Variants in ENKUR observed in about 807,000 individuals in gnomAD.
ENKUR encodes the protein enkurin, TRPC channel interacting protein, also known as enkurin.
ENKUR carries 19 observed loss-of-function variants against 27.6 expected under a neutral mutation model. The observed-to-expected ratio is 0.69, with a 90% CI of 0.48 to 1.01. The LOEUF is 1.01. Among genes scored for constraint, ENKUR ranks in the 50% least tolerant of loss-of-function variants. The pLI is 0.00. For synonymous variants in ENKUR, 117 were observed against 96.9 expected (o/e 1.21, Z -1.22); for missense variants, 312 against 310.5 (o/e 1.00, Z -0.04).
chr10:25,043,672 T>A (rs1264182753), intron 2 of ENKUR, among the ~76,000 whole-genome samples: 3 of 152,128 alleles, frequency 2.0e-5, no homozygotes, highest in African/African-American at 7.2e-5. Context: ...TTTTTTCAAA[T>A]AATTTTTCTT....
chr10:25,018,227 AC>A (rs1300477241), upstream of ENKUR, among the ~76,000 whole-genome samples: 2 of 152,214 alleles, frequency 1.3e-5, no homozygotes, highest in Non-Finnish European at 2.9e-5. Flanking sequence ...TTTTTCTTAG[AC>A]ATTTGATCTG....
chr10:25,038,222 A>T (rs1250395188), intron 2 of ENKUR, among the ~76,000 whole-genome samples: 1 of 152,068 alleles, frequency 6.6e-6, no homozygotes, highest in African/African-American at 2.4e-5. Context: ...CTGTTGTTTG[A>T]CTCTTTTGGT....
At chr10:25,017,293 C>T (rs890287215), upstream of ENKUR, among the ~76,000 whole-genome samples, 11 of 152,186 alleles carry the variant, frequency 7.2e-5, no homozygotes. Context: ...AATCTATGCA[C>T]ATGGGCCTGC....
chr10:24,995,646 C>T lies in ENKUR; in HGVS notation c.447G>A (p.Lys149=), dbSNP rs1564337697. Reference sequence around the variant, plus strand: ...TCTTATTAATATACCACAAGGCTACCTTTTTATTGATGTACTTTGGAACTA... The same window carrying T: ...TCTTATTAATATACCACAAGGCTACTTTTTTATTGATGTACTTTGGAACTA... ...SGLVPKYINK[K]DYGVTPEYIC... is the part of the protein sequence containing the mutation. The change falls in exon 3 of 6, where the codon AAG becomes AAA. Residue 149 remains lysine (K), a splice_region_variant and synonymous_variant. Coordinates refer to ENST00000331161, the MANE Select transcript of ENKUR (RefSeq NM_145010.4). The T allele has an allele frequency of 6.2e-7, 1 of 1,606,500 alleles. No individual in the cohort carries two copies. The highest frequency in any genetic ancestry group is 1.1e-5 in the South Asian group (1 of 88,862).
intron 2 of ENKUR, among the ~76,000 whole-genome samples, chr10:25,051,315 A>T (rs1253694921): frequency 6.6e-6 from 1 of 152,210 alleles, no homozygotes; most frequent in East Asian, 1.9e-4. Context: ...ATATGTTCCT[A>T]TTCCTGCAAA....
intron 4 of ENKUR, among the ~76,000 whole-genome samples, chr10:24,986,514 GA>G (rs1849782754): frequency 6.6e-6 from 1 of 152,254 alleles, no homozygotes; most frequent in African/African-American, 2.4e-5. Context: ...CTTTCATTAT[GA>G]AATGTGAAAG....
intron 2 of ENKUR, among the ~76,000 whole-genome samples, chr10:25,044,226 C>G (rs1216858542): frequency 6.6e-6 from 1 of 152,112 alleles, no homozygotes; most frequent in African/African-American, 2.4e-5. Context: ...TCCATTCTAG[C>G]AGGCTGTTAA....
chr10:24,991,602 C>A (rs1277482635), intron 3 of ENKUR, among the ~76,000 whole-genome samples: 1 of 152,152 alleles, frequency 6.6e-6, no homozygotes, highest in Admixed American at 6.5e-5. Flanking sequence ...AGAGCCCGGG[C>A]CACAGAGCTG....
chr10:24,998,521 C>G (rs1850117388), intron 2 of ENKUR, among the ~76,000 whole-genome samples: 1 of 151,984 alleles, frequency 6.6e-6, no homozygotes, highest in South Asian at 2.1e-4. Flanking sequence ...ACTACAGGTG[C>G]ATGCCATCAC....
At chr10:25,040,464 A>T (rs1008584457) in intron 2 of ENKUR, among the ~76,000 whole-genome samples, 1 of 145,196 alleles carries the variant, frequency 6.9e-6, no homozygotes, top group Non-Finnish European at 1.5e-5. Flanking sequence ...TCCGCCTCCC[A>T]GGTTCACGCC....
chr10:25,014,430 G>T (rs1191224368), intron 1 of ENKUR, among the ~76,000 whole-genome samples: 1 of 151,678 alleles, frequency 6.6e-6, no homozygotes, highest in Non-Finnish European at 1.5e-5. Context: ...ACAGCACCAA[G>T]AACAGATATA....
chr10:25,028,228 T>C (rs112218839), intron 2 of ENKUR, among the ~76,000 whole-genome samples: 34 of 152,330 alleles, frequency 2.2e-4, no homozygotes, highest in Middle Eastern at 3.4e-3. Context: ...AAAATAGTTA[T>C]TTCATGTCTT....
At chr10:25,029,386 G>A (rs140901773) in intron 2 of ENKUR, among the ~76,000 whole-genome samples, 1 of 152,164 alleles carries the variant, frequency 6.6e-6, no homozygotes, top group East Asian at 1.9e-4. Flanking sequence ...ATTATAAAAT[G>A]TTTTCATCAA....
chr10:25,051,731 G>A (rs1851188374), intron 2 of ENKUR, among the ~76,000 whole-genome samples: 1 of 152,174 alleles, frequency 6.6e-6, no homozygotes, highest in African/African-American at 2.4e-5. Context: ...ATTTGGGCAG[G>A]GACAAATATC....
At chr10:25,018,366 A>G (rs543994388), upstream of ENKUR, among the ~76,000 whole-genome samples, 1 of 152,356 alleles carries the variant, frequency 6.6e-6, no homozygotes, top group Admixed American at 6.5e-5. Flanking sequence ...ACTGGTATAT[A>G]CCTACAGGGA....
intron 2 of ENKUR, among the ~76,000 whole-genome samples, chr10:25,056,205 C>T (rs1345208677): frequency 6.6e-6 from 1 of 152,212 alleles, no homozygotes; most frequent in Non-Finnish European, 1.5e-5. Flanking sequence ...AATCAAAGCC[C>T]ATGCTCTGCA....
Position 24,984,855 on chromosome 10 carries a change from C to A in ENKUR, c.645G>T (p.Ser215=), listed in dbSNP as rs201909752. ...TCTTTGGTATAGAATCTATAAAGAC[C>A]GAGAGGGACTGGAATTCTTTATGCA... The part of the protein sequence containing the change: ...EEVHKEFQSL[S]VFIDSIPKKI... Residue 215 remains serine (S), a synonymous_variant, in exon 5 of 6, where the codon TCG becomes TCT. Coordinates refer to ENST00000331161, the MANE Select transcript of ENKUR (RefSeq NM_145010.4). The A allele has an allele frequency of 6.8e-6, 11 of 1,613,342 alleles. No individual in the cohort carries two copies. The highest frequency in any genetic ancestry group is 5.3e-5 in the African/African-American group (4 of 74,866).
At chr10:25,048,326 G>A (rs1851143564) in intron 2 of ENKUR, among the ~76,000 whole-genome samples, 1 of 152,010 alleles carries the variant, frequency 6.6e-6, no homozygotes, top group Admixed American at 6.6e-5. Context: ...GCCAAAAGAG[G>A]AATGATAGAT....
chr10:25,048,902 G>A (rs916513732), intron 2 of ENKUR, among the ~76,000 whole-genome samples: 1 of 151,682 alleles, frequency 6.6e-6, no homozygotes, highest in Non-Finnish European at 1.5e-5. Context: ...ACTTGGAAAT[G>A]TCCAATGTTA....
Sources: gnomAD v4.1 joint callset for allele counts (sites outside exome capture counted in the v4.1 genomes callset) on GRCh38, gnomAD v4.1.1 for gene constraint, MANE v1.5 for transcripts, NCBI Gene and HGNC (gene_info 2026-07-23, HGNC 2026-07-21) for gene names.